The following OSBP2 variants were observed in gnomAD, a reference collection of about 807,000 sequenced individuals.
OSBP2 encodes oxysterol binding protein 2, also known as oxysterol-binding protein 2.
Under a neutral mutation model 96.0 loss-of-function variants are expected in OSBP2, and 66 were observed. The observed-to-expected ratio is 0.69, with a 90% CI of 0.56 to 0.84. The LOEUF (loss-of-function observed/expected upper bound fraction) is 0.84. Ranked by LOEUF, OSBP2 falls within the 40% of genes least tolerant of loss-of-function variation. The pLI is 0.00. For synonymous variants in OSBP2, 525 were observed against 520.9 expected (o/e 1.01, Z -0.11); for missense variants, 1,038 against 1,222.7 (o/e 0.85, Z 2.25).
At chr22:30,713,125 C>T (rs1233137505) in intron 1 of OSBP2, among the ~76,000 whole-genome samples, 2 of 147,094 alleles carry the variant, frequency 1.4e-5, no homozygotes, top group African/African-American at 5.1e-5. Flanking sequence ...GTCGCCCAGG[C>T]TGGAGTGCAG....
Position 30,881,389 on chromosome 22 carries a change from C to T in OSBP2, c.1108-6037C>T, listed in dbSNP as rs1282713004. On this transcript the variant is annotated intron_variant, in intron 3 of 13. Transcript: ENST00000332585. The surrounding 1 kb of genome is among the most constrained non-coding windows in gnomAD (Gnocchi z 4.5). Reference sequence around the variant, plus strand: ...GCACCCATGCAGGGCCCAGGTACCACCTCCAGCTCCCACTAGGACCCCTCA... The same window carrying T: ...GCACCCATGCAGGGCCCAGGTACCATCTCCAGCTCCCACTAGGACCCCTCA... 6.6e-6 allele frequency among the ~76,000 whole-genome samples: 1 copy of T among 152,190 alleles called. No individual in the cohort carries two copies. Among genetic ancestry groups the T allele is most frequent in the Non-Finnish European group, 1.5e-5 (1 of 68,024 alleles).
rs1188742421 is a variant in OSBP2 at position 30,889,194 on chromosome 22, G to C, written c.1436G>C (p.Ser479Thr). Residue 479 changes from serine (S) to threonine (T), a missense_variant, in exon 6 of 14, where the codon AGC (serine) becomes ACC (threonine). Around this residue, in one of 3 missense-constraint regions of OSBP2, gnomAD observed 737 missense variants for 913.3 expected, o/e 0.81. Coordinates refer to ENST00000332585, the MANE Select transcript of OSBP2 (RefSeq NM_030758.4). ...AKEDSRKAEGSTGTSSVDWSS... is the reference protein window; with the variant it reads ...AKEDSRKAEGTTGTSSVDWSS... Reference sequence around the variant, plus strand: ...ATTTCCAGCAGAAAAGCTGAAGGTAGCACCGGGACAAGTTCCGTGGACTGG... The same window carrying C: ...ATTTCCAGCAGAAAAGCTGAAGGTACCACCGGGACAAGTTCCGTGGACTGG... The C allele has an allele frequency of 6.2e-7, 1 of 1,613,476 alleles. No individual in the cohort carries two copies. Among genetic ancestry groups the C allele is most frequent in the African/African-American group, 1.3e-5 (1 of 74,892 alleles).
At chr22:30,699,270 A>G (rs906338761) in intron 1 of OSBP2, among the ~76,000 whole-genome samples, 13 of 152,162 alleles carry the variant, frequency 8.5e-5, no homozygotes, top group South Asian at 2.1e-4. Flanking sequence ...ACCTTATTTC[A>G]AAAAGGGTTT....
rs372873880 is a variant in OSBP2, at chr22:30,889,548, G to A, written c.1535G>A (p.Arg512His). ...KGSSKVKRRV[R>H]IPNKPNYSLN... ...TCATCCAAAGTCAAGAGGCGAGTCC[G>A]CATTCCCAACAAGCCCAACTACAGC... The change falls in exon 7 of 14, where the codon CGC (arginine) becomes CAC (histidine). Residue 512 changes from arginine (R) to histidine (H), a missense_variant. Transcript: ENST00000332585. The A allele has an allele frequency of 6.5e-5, 105 of 1,613,898 alleles. No individual in the cohort carries two copies. Among genetic ancestry groups the A allele is most frequent in the Middle Eastern group, 3.3e-4 (2 of 6,084 alleles).
At chr22:30,746,383 C>T (rs1344669364) in intron 2 of OSBP2, among the ~76,000 whole-genome samples, 1 of 151,744 alleles carries the variant, frequency 6.6e-6, no homozygotes, top group East Asian at 1.9e-4. Context: ...ATGATTTCAC[C>T]ACTGCACTTC....
chr22:30,873,990 A>G (rs2039519090), intron 3 of OSBP2, among the ~76,000 whole-genome samples: 1 of 152,134 alleles, frequency 6.6e-6, no homozygotes, highest in South Asian at 2.1e-4. Context: ...TAATCCCAAC[A>G]CTCTGGGAGG....
chr22:30,697,822 G>T (rs1602136508), intron 1 of OSBP2, among the ~76,000 whole-genome samples: 1 of 152,150 alleles, frequency 6.6e-6, no homozygotes, highest in African/African-American at 2.4e-5. Flanking sequence ...ACATTTATAC[G>T]ATCCTGTGCC....
intron 3 of OSBP2, among the ~76,000 whole-genome samples, chr22:30,875,600 G>A (rs960916600): frequency 1.9e-4 from 29 of 152,116 alleles, no homozygotes; most frequent in South Asian, 4.1e-4. Flanking sequence ...TCGAACTCCC[G>A]ACTGCAGGTA....
intron 2 of OSBP2, among the ~76,000 whole-genome samples, chr22:30,852,209 T>G (rs1488471021): frequency 6.6e-6 from 1 of 152,208 alleles, no homozygotes; most frequent in Non-Finnish European, 1.5e-5. Flanking sequence ...CCCCCTATTT[T>G]CTGAAAAACT....
rs549705399 is a variant in OSBP2 at position 30,868,154 on chromosome 22, A to G, written c.854-2275A>G. On this transcript the variant is annotated intron_variant, in intron 2 of 13. Transcript: ENST00000332585. ...GCCTCACCCACAGCCTGGCACCCGG[A>G]AAGGTGTGGTACACATCAGCCGTTA... Among the ~76,000 whole-genome samples the G allele has an allele frequency of 7.9e-5, 12 of 152,358 alleles. No individual in the cohort carries two copies. In the South Asian group the frequency reaches 1.9e-3, roughly 24 times the overall value.
intron 1 of OSBP2, among the ~76,000 whole-genome samples, chr22:30,703,454 G>A (rs9609054): frequency 0.17 from 24,856 of 150,390 alleles, 2,452 homozygotes; most frequent in Middle Eastern, 0.25. Context: ...GATTATAGGC[G>A]TAAGCCACCA....
rs148188533 is a variant in OSBP2, at chr22:30,830,945, G to A, written c.854-39484G>A. Among the ~76,000 whole-genome samples, 124 of 151,296 alleles carry A rather than the reference G, an allele frequency of 8.2e-4. No homozygotes were observed. In the East Asian group the frequency reaches 0.02, roughly 24 times the overall value. On this transcript the variant is annotated intron_variant, in intron 2 of 13. Coordinates refer to ENST00000332585, the MANE Select transcript of OSBP2 (RefSeq NM_030758.4). Reference sequence around the variant, plus strand: ...ATCATAAACACTTTCCCACGTTATCGCAGGCTTTGTGTTTATTCGTTGGAA... The same window carrying A: ...ATCATAAACACTTTCCCACGTTATCACAGGCTTTGTGTTTATTCGTTGGAA...
intron 1 of OSBP2, among the ~76,000 whole-genome samples, chr22:30,716,878 G>T (rs1294300542): frequency 6.6e-6 from 1 of 151,972 alleles, no homozygotes; most frequent in African/African-American, 2.4e-5. Context: ...TTTTTACTTT[G>T]TTGATTGTGT....
intron 2 of OSBP2, among the ~76,000 whole-genome samples, chr22:30,856,716 T>C (rs2039087164): frequency 6.6e-6 from 1 of 152,070 alleles, no homozygotes. Flanking sequence ...GGAACAATTA[T>C]TCACCTTTAG....
intron 2 of OSBP2, among the ~76,000 whole-genome samples, chr22:30,780,614 C>T (rs2145806875): frequency 6.6e-6 from 1 of 152,302 alleles, no homozygotes; most frequent in South Asian, 2.1e-4. Context: ...GCTTATGCCA[C>T]AGCCTCCCGA....
At chr22:30,816,820 T>C (rs749454066) in intron 2 of OSBP2, among the ~76,000 whole-genome samples, 1 of 151,882 alleles carries the variant, frequency 6.6e-6, no homozygotes, top group Non-Finnish European at 1.5e-5. Context: ...CACTGCAACC[T>C]CTGCCTCCCA....
intron 2 of OSBP2, among the ~76,000 whole-genome samples, chr22:30,762,837 G>A (rs1356640683): frequency 1.3e-5 from 2 of 152,138 alleles, no homozygotes; most frequent in African/African-American, 2.4e-5. Context: ...TCAGCCCCTC[G>A]AGCATGGTAG....
chr22:30,880,299 C>T (rs542096413), intron 3 of OSBP2, among the ~76,000 whole-genome samples: 1 of 152,286 alleles, frequency 6.6e-6, no homozygotes, highest in East Asian at 1.9e-4. Flanking sequence ...GAGGGTCCTC[C>T]GGCCGCCCAC....
chr22:30,830,519 T>G (rs2038499028), intron 2 of OSBP2, among the ~76,000 whole-genome samples: 1 of 152,218 alleles, frequency 6.6e-6, no homozygotes, highest in Non-Finnish European at 1.5e-5. Context: ...ACCGCGGATA[T>G]TTTTACATTA....
Sources: allele counts gnomAD v4.1 joint callset (sites outside exome capture counted in the v4.1 genomes callset), GRCh38; gene constraint gnomAD v4.1.1; regional missense constraint gnomAD v4.1.1; non-coding constraint Gnocchi (gnomAD v3.1); transcripts MANE v1.5; gene names NCBI Gene and HGNC (gene_info 2026-07-23, HGNC 2026-07-21).